Variants in SI observed in about 807,000 individuals in gnomAD.
SI encodes the protein sucrase-isomaltase, also known as sucrase-isomaltase, intestinal.
A neutral mutation model predicts 253.3 loss-of-function variants in SI; 235 were observed. The ratio of observed to expected loss-of-function variants is 0.93; its 90% confidence interval spans 0.83 to 1.03. The LOEUF (loss-of-function observed/expected upper bound fraction) is 1.03, where lower values mean the gene tolerates loss of function less well. SI is among the 50% of genes least tolerant of loss of function. SI has a pLI of 0.00. For synonymous variants in SI, 819 were observed against 712.0 expected (o/e 1.15, Z -2.39); for missense variants, 2,442 against 2,211.1 (o/e 1.10, Z -2.09).
chr3:165,081,315 C>A (rs772112985), upstream of SI, among the ~76,000 whole-genome samples: 1 of 151,942 alleles, frequency 6.6e-6, no homozygotes, highest in Non-Finnish European at 1.5e-5. Context: ...GTTGGATAGT[C>A]AGCAGGCAGG....
chr3:164,986,091 C>T (rs886099030), intron 45 of SI, among the ~76,000 whole-genome samples: 1 of 152,060 alleles, frequency 6.6e-6, no homozygotes, highest in Non-Finnish European at 1.5e-5. Flanking sequence ...ATCAAATTTA[C>T]TTGAGATTGG....
At chr3:164,995,883 A>T (rs1717986587) in intron 40 of SI, among the ~76,000 whole-genome samples, 1 of 151,786 alleles carries the variant, frequency 6.6e-6, no homozygotes, top group Non-Finnish European at 1.5e-5. Context: ...GACTTCGTAA[A>T]TATGAAATAG....
At position 165,043,043 on chromosome 3, in the gene SI, A is replaced by G. The variant is rs1712928399; in HGVS notation, c.2004+16T>C. The G allele has an allele frequency of 7.0e-7, 1 of 1,426,968 alleles. No homozygotes were observed. The highest frequency in any genetic ancestry group is 9.9e-7 in the Non-Finnish European group (1 of 1,009,788). The allele number at this position is 1,426,968 out of a possible 1,614,324, so 88.4% of individuals were successfully genotyped here. ...TTGTTTTTTATTTCGCAACATGGAG[A>G]ACAAGAGGCTCTTACTTCATATCCG... On this transcript the variant is annotated intron_variant, in intron 17 of 47. Coordinates refer to ENST00000264382, the MANE Select transcript of SI (RefSeq NM_001041.4).
intron 25 of SI, among the ~76,000 whole-genome samples, chr3:165,025,142 T>C (rs1711842836): frequency 6.6e-6 from 1 of 151,176 alleles, no homozygotes. Context: ...CTTTGAACAC[T>C]TCTCATCTAT....
chr3:165,066,177 TTATTA>T (rs1453870613), intron 6 of SI, among the ~76,000 whole-genome samples: 1 of 151,984 alleles, frequency 6.6e-6, no homozygotes, highest in African/African-American at 2.4e-5. Flanking sequence ...ATTGTATTCA[TTATTA>T]TAAGTAATCT....
upstream of SI, among the ~76,000 whole-genome samples, chr3:165,080,473 T>C (rs183887708): frequency 1.8e-4 from 27 of 152,162 alleles, no homozygotes; most frequent in East Asian, 4.8e-3. Flanking sequence ...TGTGGCACTA[T>C]TCACAATAGC....
At chr3:165,042,130 TTC>T (rs1712866065) in intron 17 of SI, among the ~76,000 whole-genome samples, 1 of 152,112 alleles carries the variant, frequency 6.6e-6, no homozygotes, top group Admixed American at 6.6e-5. Context: ...CAAAATTTAT[TTC>T]TGTCTTATCA....
At chr3:165,019,575 G>A (rs375763946) in intron 28 of SI, 27 bp downstream of exon 28, 45 of 1,606,114 alleles carry the variant, frequency 2.8e-5, no homozygotes, top group Non-Finnish European at 3.4e-5. Context: ...TAGTTGCCTC[G>A]TGGAGTGGTC....
intron 37 of SI, among the ~76,000 whole-genome samples, chr3:165,002,324 G>T (rs1385703724): frequency 6.6e-6 from 1 of 151,640 alleles, no homozygotes; most frequent in Non-Finnish European, 1.5e-5. Flanking sequence ...TTTTGTGCAG[G>T]ATTTCTATAT....
intron 13 of SI, among the ~76,000 whole-genome samples, chr3:165,054,414 C>T (rs1713583516): frequency 6.6e-6 from 1 of 152,004 alleles, no homozygotes; most frequent in Non-Finnish European, 1.5e-5. Flanking sequence ...TCTTGTTGCC[C>T]AGGCTAGAAT....
chr3:164,991,675 A>G (rs1279620192), intron 43 of SI, among the ~76,000 whole-genome samples, 198 bp from the exon 44 acceptor site: 10 of 152,140 alleles, frequency 6.6e-5, no homozygotes, highest in Non-Finnish European at 2.9e-5. Context: ...ATGATGTTGT[A>G]TACCTTAAAT....
At chr3:165,035,294 CAG>C (rs767731379) in intron 22 of SI, among the ~76,000 whole-genome samples, 1 of 151,882 alleles carries the variant, frequency 6.6e-6, no homozygotes, top group Non-Finnish European at 1.5e-5. Flanking sequence ...AATTAAAAGA[CAG>C]AGAATATTTA....
chr3:165,077,554 G>A, intron 1 of SI, among the ~76,000 whole-genome samples: 1 of 151,506 alleles, frequency 6.6e-6, no homozygotes, highest in East Asian at 1.9e-4. Flanking sequence ...GCTGTTTATT[G>A]CATCAGTAAT....
At chr3:165,003,066 T>G (rs1718329492) in intron 37 of SI, among the ~76,000 whole-genome samples, 1 of 151,864 alleles carries the variant, frequency 6.6e-6, no homozygotes, top group African/African-American at 2.4e-5. Flanking sequence ...ATTTGGAAAT[T>G]TACCTGTATC....
Position 165,029,797 on chromosome 3 carries a change from T to C in SI, c.2892+915A>G, listed in dbSNP as rs139520686. Among the ~76,000 whole-genome samples the C allele has an allele frequency of 6.6e-5, 10 of 150,474 alleles. No homozygotes were observed. The East Asian group carries it at 2.0e-3, about 30-fold the overall frequency. On this transcript the variant is annotated intron_variant, in intron 25 of 47. Transcript: ENST00000264382. The stretch of plus-strand genomic sequence containing the variant: ...TTGAATGCAAAGGGGAATGGATGTG[T>C]ATTTGGCTGAAAAGAGGCAACTTAA...
upstream of SI, among the ~76,000 whole-genome samples, chr3:165,082,949 T>A (rs769410549): frequency 6.6e-6 from 1 of 152,006 alleles, no homozygotes; most frequent in Middle Eastern, 3.4e-3. Flanking sequence ...TAGCTTTGAA[T>A]TGAATAATGT....
chr3:164,985,594 A>G (rs905777488), intron 45 of SI, among the ~76,000 whole-genome samples: 1 of 152,232 alleles, frequency 6.6e-6, no homozygotes, highest in African/African-American at 2.4e-5. Flanking sequence ...TTAAGATAAA[A>G]GATGCATGTC....
chr3:165,075,272 A>G (rs1714877779), intron 2 of SI, among the ~76,000 whole-genome samples: 1 of 151,998 alleles, frequency 6.6e-6, no homozygotes, highest in African/African-American at 2.4e-5. Flanking sequence ...CAGGAATAGG[A>G]AATGCTAACT....
intron 45 of SI, among the ~76,000 whole-genome samples, chr3:164,986,820 C>G (rs1292838723): frequency 6.6e-6 from 1 of 152,082 alleles, no homozygotes; most frequent in African/African-American, 2.4e-5. Flanking sequence ...TACATATATG[C>G]CAAGTGTCTA....
Sources: gnomAD v4.1 joint callset for allele counts (sites outside exome capture counted in the v4.1 genomes callset) on GRCh38, gnomAD v4.1.1 for gene constraint, MANE v1.5 for transcripts, NCBI Gene and HGNC (gene_info 2026-07-23, HGNC 2026-07-21) for gene names.